RBFOX1: variants seen among roughly 807,000 people sequenced by gnomAD.
The protein encoded by RBFOX1 is RNA binding protein fox-1 homolog 1.
Under a neutral mutation model 57.7 loss-of-function variants are expected in RBFOX1, and 8 were observed. The observed-to-expected ratio is 0.14, with a 90% CI of 0.08 to 0.25. The LOEUF (loss-of-function observed/expected upper bound fraction) is 0.25, where lower values mean the gene tolerates loss of function less well. Ranked by LOEUF, RBFOX1 falls within the 10% of genes least tolerant of loss-of-function variation. The pLI is 1.00. For synonymous variants in RBFOX1, 326 were observed against 222.4 expected (o/e 1.47, Z -4.15); for missense variants, 611 against 548.5 (o/e 1.11, Z -1.14).
intron 2 of RBFOX1, among the ~76,000 whole-genome samples, chr16:6,641,455 C>T (rs1223074351): frequency 2.0e-5 from 3 of 152,094 alleles, no homozygotes; most frequent in Non-Finnish European, 4.4e-5. Context: ...TGCCCTGACG[C>T]CGGGCACGGT....
intron 1 of RBFOX1, among the ~76,000 whole-genome samples, chr16:6,106,313 T>C (rs376001399): frequency 0.089 from 13,546 of 151,548 alleles, 806 homozygotes; most frequent in East Asian, 0.24. Flanking sequence ...CAAAAAAAAT[T>C]AGTCAGGCTT....
intron 3 of RBFOX1, among the ~76,000 whole-genome samples, chr16:5,631,013 A>G (rs1446654445): frequency 1.3e-5 from 2 of 152,224 alleles, no homozygotes; most frequent in African/African-American, 4.8e-5. Flanking sequence ...TCCCCTTGGA[A>G]GGGTCGCACT....
At chr16:7,315,174 C>A (rs1223033948) in intron 4 of RBFOX1, among the ~76,000 whole-genome samples, 4 of 150,802 alleles carry the variant, frequency 2.7e-5, no homozygotes, top group Admixed American at 6.6e-5. Context: ...GGTGATATTT[C>A]TTTCCCTATA....
intron 4 of RBFOX1, among the ~76,000 whole-genome samples, chr16:7,201,895 A>C (rs2088618932): frequency 6.6e-6 from 1 of 152,230 alleles, no homozygotes; most frequent in Non-Finnish European, 1.5e-5. Flanking sequence ...GGGTAGACTT[A>C]GATGGCAGAG....
At chr16:7,562,795 G>C (rs1212448660) in intron 5 of RBFOX1, among the ~76,000 whole-genome samples, 1 of 152,214 alleles carries the variant, frequency 6.6e-6, no homozygotes, top group Non-Finnish European at 1.5e-5. Context: ...CAAACTGCTG[G>C]AGAGTTTGGA....
chr16:6,468,225 C>G (rs1212691635), intron 2 of RBFOX1, among the ~76,000 whole-genome samples: 1 of 152,100 alleles, frequency 6.6e-6, no homozygotes, highest in Non-Finnish European at 1.5e-5. Flanking sequence ...GCCTATGTCT[C>G]TTTGTTATGA....
chr16:7,360,809 C>T (rs1360358734), intron 4 of RBFOX1, among the ~76,000 whole-genome samples: 1 of 152,190 alleles, frequency 6.6e-6, no homozygotes, highest in East Asian at 1.9e-4. Context: ...TCACACAGTG[C>T]CATTAATTAG....
chr16:6,891,239 A>T (rs950357450), intron 3 of RBFOX1, among the ~76,000 whole-genome samples: 1 of 152,248 alleles, frequency 6.6e-6, no homozygotes, highest in Non-Finnish European at 1.5e-5. Context: ...AATATGAATC[A>T]TGAATCCTGC....
chr16:7,511,926 A>C (rs1385982175), intron 4 of RBFOX1, among the ~76,000 whole-genome samples: 2 of 152,184 alleles, frequency 1.3e-5, no homozygotes, highest in Admixed American at 6.5e-5. Context: ...TTGAGCAACA[A>C]CTCAAGAAAG....
chr16:6,886,339 G>C (rs908003037), intron 3 of RBFOX1, among the ~76,000 whole-genome samples: 7 of 151,984 alleles, frequency 4.6e-5, no homozygotes, highest in Non-Finnish European at 8.8e-5. Context: ...TGGGATTACT[G>C]GCGTGAGTCA....
At chr16:5,980,996 C>G (rs2060161523) in intron 4 of RBFOX1, among the ~76,000 whole-genome samples, 1 of 152,160 alleles carries the variant, frequency 6.6e-6, no homozygotes, top group South Asian at 2.1e-4. Context: ...AGACCCACAG[C>G]CTGCCTCCCT....
chr16:5,839,812 T>G (rs1296002653), intron 3 of RBFOX1, among the ~76,000 whole-genome samples: 1 of 152,198 alleles, frequency 6.6e-6, no homozygotes, highest in Non-Finnish European at 1.5e-5. Context: ...GAGGCTATTT[T>G]TAAATGAAGG....
rs914571765 is a variant in RBFOX1 at position 7,288,748 on chromosome 16, GGAGAATCACTT to G, written c.28-229396_28-229386del. Among the ~76,000 whole-genome samples, 27 of 152,236 alleles carry G rather than the reference GGAGAATCACTT, an allele frequency of 1.8e-4. 1 individual carries two copies. Among genetic ancestry groups the G allele is most frequent in the Admixed American group, 1.6e-3 (24 of 15,286 alleles). On this transcript the variant is annotated intron_variant, in intron 4 of 15. Transcript: ENST00000550418. The stretch of plus-strand genomic sequence containing the variant: ...CCCGGCTACATTGGAGGCTGAGGCA[GGAGAATCACTT>G]GAACCCAGGGGATGGAGGTTACAGT...
chr16:6,823,966 C>A (rs1489499845), intron 3 of RBFOX1, among the ~76,000 whole-genome samples: 4 of 152,088 alleles, frequency 2.6e-5, no homozygotes, highest in African/African-American at 9.7e-5. Flanking sequence ...GCATCTGGTC[C>A]AAATCTTGAA....
intron 4 of RBFOX1, among the ~76,000 whole-genome samples, chr16:7,207,979 C>A (rs2090341944): frequency 6.6e-6 from 1 of 152,168 alleles, no homozygotes; most frequent in Non-Finnish European, 1.5e-5. Flanking sequence ...TGTGAGCCTC[C>A]TGTAAGTGGG....
chr16:6,103,999 G>A (rs910657372), intron 1 of RBFOX1, among the ~76,000 whole-genome samples: 13 of 152,098 alleles, frequency 8.5e-5, no homozygotes, highest in Admixed American at 6.6e-4. Flanking sequence ...CTCTTCCTCT[G>A]TTCCCAGTTC....
intron 1 of RBFOX1, among the ~76,000 whole-genome samples, chr16:6,091,981 A>C (rs117381923): frequency 5.3e-5 from 8 of 152,116 alleles, no homozygotes; most frequent in Non-Finnish European, 1.0e-4. Flanking sequence ...GTGTCTGTCC[A>C]TTCATCCACT....
At chr16:6,354,056 C>T (rs1368915768) in intron 2 of RBFOX1, among the ~76,000 whole-genome samples, 2 of 152,042 alleles carry the variant, frequency 1.3e-5, no homozygotes, top group Non-Finnish European at 2.9e-5. Context: ...CCCGTCTCTA[C>T]CAAAAATACA....
At chr16:5,908,662 C>T (rs184296058) in intron 4 of RBFOX1, among the ~76,000 whole-genome samples, 3 of 152,170 alleles carry the variant, frequency 2.0e-5, no homozygotes, top group Admixed American at 2.0e-4. Flanking sequence ...CCTACTAGGG[C>T]CTAAAAGTGT....
Sources: gnomAD v4.1 joint callset for allele counts (sites outside exome capture counted in the v4.1 genomes callset) on GRCh38, gnomAD v4.1.1 for gene constraint, MANE v1.5 for transcripts, NCBI Gene and HGNC (gene_info 2026-07-23, HGNC 2026-07-21) for gene names.